Variants in TRPC4 observed in about 807,000 individuals in gnomAD.
The protein encoded by TRPC4 is short transient receptor potential channel 4.
Under a neutral mutation model 99.4 loss-of-function variants are expected in TRPC4, and 49 were observed. The ratio of observed to expected loss-of-function variants is 0.49; its 90% CI spans 0.39 to 0.63. The LOEUF (loss-of-function observed/expected upper bound fraction) is 0.63, where lower values mean the gene tolerates loss of function less well. TRPC4 is among the 20% of genes least tolerant of loss of function. TRPC4 has a pLI of 0.00. For synonymous variants in TRPC4, 454 were observed against 425.9 expected (o/e 1.07, Z -0.81); for missense variants, 898 against 1,152.9 (o/e 0.78, Z 3.20).
At chr13:37,739,504 ATT>A (rs34228089) in intron 3 of TRPC4, among the ~76,000 whole-genome samples, 2,405 of 133,710 alleles carry the variant, frequency 0.018, 50 homozygotes, top group African/African-American at 0.059. Context: ...AAAGCATGAG[ATT>A]TTTTTTTTTT....
At chr13:37,715,014 A>G (rs755985975) in intron 3 of TRPC4, among the ~76,000 whole-genome samples, 3 of 152,216 alleles carry the variant, frequency 2.0e-5, no homozygotes, top group African/African-American at 7.2e-5. Flanking sequence ...GCATGTATGC[A>G]TATGTGTGTG....
chr13:37,671,417 C>T (rs1452883443), intron 5 of TRPC4, among the ~76,000 whole-genome samples: 1 of 151,972 alleles, frequency 6.6e-6, no homozygotes, highest in Non-Finnish European at 1.5e-5. Context: ...AATAACTTGT[C>T]CCATACCATA....
intron 3 of TRPC4, among the ~76,000 whole-genome samples, chr13:37,707,339 A>G (rs1954317215): frequency 6.6e-6 from 1 of 152,130 alleles, no homozygotes; most frequent in South Asian, 2.1e-4. Context: ...GGAAACTTCA[A>G]TATTCAGTAT....
rs1012768431 is a variant in TRPC4, at chr13:37,636,403, T to C, written c.*500A>G. Reference sequence around the variant, plus strand: ...GCTTTGTGTACAATAATTATTTACATGTCGTTAAGAAATAATTTGGTAATA... The same window carrying C: ...GCTTTGTGTACAATAATTATTTACACGTCGTTAAGAAATAATTTGGTAATA... On this transcript the variant is annotated 3_prime_UTR_variant, in exon 11 of 11. Transcript: ENST00000379705. 6.6e-6 allele frequency among the ~76,000 whole-genome samples: 1 copy of C among 152,142 alleles called. No homozygotes were observed. The highest frequency in any genetic ancestry group is 2.4e-5 in the African/African-American group (1 of 41,444).
chr13:37,832,225 A>T (rs1247120431), intron 1 of TRPC4, among the ~76,000 whole-genome samples: 2 of 152,156 alleles, frequency 1.3e-5, no homozygotes, highest in Non-Finnish European at 2.9e-5. Flanking sequence ...TTTTAAGCCA[A>T]CAAATGAGAG....
chr13:37,650,220 AT>A (rs199795112), intron 8 of TRPC4, among the ~76,000 whole-genome samples: 2,197 of 151,618 alleles, frequency 0.014, 52 homozygotes, highest in African/African-American at 0.05. Context: ...ACAAATTAAT[AT>A]TTTTTTATTT....
intron 6 of TRPC4, among the ~76,000 whole-genome samples, chr13:37,655,819 T>C (rs1952210426): frequency 1.3e-5 from 2 of 152,152 alleles, no homozygotes; most frequent in South Asian, 4.1e-4. Flanking sequence ...ATCTGCTCCT[T>C]TTCATAGAAC....
At chr13:37,684,940 C>A (rs569232809) in intron 4 of TRPC4, among the ~76,000 whole-genome samples, 1 of 151,924 alleles carries the variant, frequency 6.6e-6, no homozygotes, top group Middle Eastern at 3.4e-3. Context: ...TAGGTCATAT[C>A]AAAGGACTTA....
At chr13:37,739,539 T>C (rs1428950428) in intron 3 of TRPC4, among the ~76,000 whole-genome samples, 1 of 150,562 alleles carries the variant, frequency 6.6e-6, no homozygotes, top group African/African-American at 2.5e-5. Context: ...GGAGTCTCTT[T>C]CTGTTGCCCA....
intron 3 of TRPC4, among the ~76,000 whole-genome samples, chr13:37,736,052 T>C (rs1955385253): frequency 6.6e-6 from 1 of 152,308 alleles, no homozygotes; most frequent in Admixed American, 6.5e-5. Context: ...TGTAACTTAA[T>C]TAGCTGTAAA....
chr13:37,769,563 C>A (rs1593700877), intron 2 of TRPC4, among the ~76,000 whole-genome samples: 1 of 151,506 alleles, frequency 6.6e-6, no homozygotes, highest in South Asian at 2.1e-4. Flanking sequence ...TTTATTCAAA[C>A]TTTGCTGTCT....
intron 1 of TRPC4, among the ~76,000 whole-genome samples, chr13:37,806,624 G>GA (rs908204360): frequency 2.0e-5 from 3 of 152,012 alleles, no homozygotes; most frequent in African/African-American, 4.8e-5. Flanking sequence ...TAGTGCACCT[G>GA]AAAAAATATT....
chr13:37,810,816 T>C (rs2139474170), intron 1 of TRPC4, among the ~76,000 whole-genome samples: 1 of 152,194 alleles, frequency 6.6e-6, no homozygotes, highest in East Asian at 1.9e-4. Context: ...TGCCTATGAA[T>C]ATATACCTTG....
intron 1 of TRPC4, among the ~76,000 whole-genome samples, chr13:37,812,284 C>T (rs1365235335): frequency 6.7e-6 from 1 of 149,530 alleles, no homozygotes; most frequent in Non-Finnish European, 1.5e-5. Flanking sequence ...TTCTAGCACT[C>T]AACAAAGTAA....
intron 3 of TRPC4, among the ~76,000 whole-genome samples, chr13:37,741,784 T>G (rs1955596200): frequency 6.6e-6 from 1 of 152,102 alleles, no homozygotes; most frequent in African/African-American, 2.4e-5. Flanking sequence ...TTACCCAGTG[T>G]TCAGCAGGAT....
At chr13:37,838,156 T>C (rs999024672) in intron 1 of TRPC4, among the ~76,000 whole-genome samples, 11 of 152,318 alleles carry the variant, frequency 7.2e-5, no homozygotes, top group African/African-American at 2.6e-4. Context: ...ACCAGCAGTG[T>C]GAAAATGGAC....
At chr13:37,834,711 T>G (rs978870898) in intron 1 of TRPC4, among the ~76,000 whole-genome samples, 4 of 152,140 alleles carry the variant, frequency 2.6e-5, no homozygotes, top group Non-Finnish European at 4.4e-5. Context: ...TTTATCTCAC[T>G]CTCCATTTAT....
At chr13:37,799,493 A>G (rs1957344383) in intron 1 of TRPC4, among the ~76,000 whole-genome samples, 1 of 152,076 alleles carries the variant, frequency 6.6e-6, no homozygotes, top group East Asian at 1.9e-4. Flanking sequence ...TTGAACCCCA[A>G]CTTTGATACC....
chr13:37,706,386 T>C (rs1954278437), intron 3 of TRPC4, among the ~76,000 whole-genome samples: 1 of 152,170 alleles, frequency 6.6e-6, no homozygotes, highest in African/African-American at 2.4e-5. Flanking sequence ...TGTGAAATAG[T>C]CTAGGCAGCT....
Sources: allele counts gnomAD v4.1 joint callset (sites outside exome capture counted in the v4.1 genomes callset), GRCh38; gene constraint gnomAD v4.1.1; transcripts MANE v1.5; gene names NCBI Gene and HGNC (gene_info 2026-07-23, HGNC 2026-07-21).